ROBO1: variants seen among roughly 807,000 people sequenced by gnomAD.
The protein encoded by ROBO1 is roundabout guidance receptor 1, also known as roundabout homolog 1.
In ROBO1, 149 loss-of-function variants were observed where a neutral mutation model predicts 195.9. The observed-to-expected ratio is 0.76, with a 90% CI of 0.67 to 0.87. The LOEUF is 0.87. Ranked by LOEUF, ROBO1 falls within the 40% of genes least tolerant of loss-of-function variation. The pLI, the probability that ROBO1 is intolerant of heterozygous loss-of-function variation, is 0.00. For synonymous variants in ROBO1, 816 were observed against 733.2 expected (o/e 1.11, Z -1.82); for missense variants, 1,933 against 2,068.3 (o/e 0.93, Z 1.27).
chr3:78,865,051 T>A (rs1393686742), intron 4 of ROBO1, among the ~76,000 whole-genome samples: 3 of 152,204 alleles, frequency 2.0e-5, no homozygotes, highest in Admixed American at 2.0e-4. Flanking sequence ...TCAAATGTGA[T>A]ACATTATTTG....
intron 3 of ROBO1, among the ~76,000 whole-genome samples, chr3:79,062,000 G>A (rs1180701623): frequency 1.3e-5 from 2 of 152,052 alleles, no homozygotes; most frequent in Non-Finnish European, 2.9e-5. Context: ...ATAGACAAAT[G>A]GGATCTCATT....
At chr3:78,711,354 CCTTCCTTCCT>C (rs2081702683) in intron 8 of ROBO1, among the ~76,000 whole-genome samples, 3 of 65,160 alleles carry the variant, frequency 4.6e-5, no homozygotes, top group South Asian at 6.7e-4. Context: ...CTTCCTCCTT[CCTTCCTTCCT>C]TCCTTCCTTC....
At chr3:79,198,255 T>C (rs535134708) in intron 2 of ROBO1, among the ~76,000 whole-genome samples, 5 of 152,252 alleles carry the variant, frequency 3.3e-5, no homozygotes, top group South Asian at 4.1e-4. Flanking sequence ...TTTCTGCATA[T>C]GGCTAGCTAG....
At chr3:79,362,240 C>T (rs1164073332) in intron 2 of ROBO1, among the ~76,000 whole-genome samples, 2 of 152,014 alleles carry the variant, frequency 1.3e-5, no homozygotes, top group Non-Finnish European at 2.9e-5. Context: ...GAAGGGAAAG[C>T]GACAACCAGT....
intron 4 of ROBO1, among the ~76,000 whole-genome samples, chr3:78,841,189 A>G (rs1037552298): frequency 2.0e-5 from 3 of 152,286 alleles, no homozygotes; most frequent in Non-Finnish European, 4.4e-5. Flanking sequence ...ATAATGAGGA[A>G]TAAGAATCAT....
intron 2 of ROBO1, among the ~76,000 whole-genome samples, chr3:79,244,699 C>T (rs1029298787): frequency 6.6e-6 from 1 of 151,970 alleles, no homozygotes; most frequent in Non-Finnish European, 1.5e-5. Context: ...TGCTCTGATT[C>T]TATATATAAA....
intron 2 of ROBO1, among the ~76,000 whole-genome samples, chr3:79,308,997 T>C (rs76646374): frequency 6.6e-6 from 1 of 152,116 alleles, no homozygotes; most frequent in East Asian, 1.9e-4. Context: ...CTGATGAATA[T>C]ACAGCTAAAA....
chr3:79,088,636 A>G (rs897610605), intron 3 of ROBO1, among the ~76,000 whole-genome samples: 8 of 152,142 alleles, frequency 5.3e-5, no homozygotes, highest in African/African-American at 1.7e-4. Flanking sequence ...TCTTTCACCA[A>G]CAGGGGAACA....
intron 4 of ROBO1, among the ~76,000 whole-genome samples, chr3:78,808,737 G>C (rs970647616): frequency 6.6e-6 from 1 of 152,084 alleles, no homozygotes; most frequent in Non-Finnish European, 1.5e-5. Flanking sequence ...ACAAAAACAA[G>C]CAATGGGGAA....
intron 2 of ROBO1, among the ~76,000 whole-genome samples, chr3:79,283,529 T>G (rs2031665625): frequency 6.6e-6 from 1 of 152,202 alleles, no homozygotes; most frequent in Admixed American, 6.5e-5. Flanking sequence ...CTAATTACCA[T>G]TGGAATATGA....
In ROBO1 at chr3:79,580,521, AAAAT is replaced by A. The variant is rs534274416; in HGVS notation, c.88+9299_88+9302del. Among the ~76,000 whole-genome samples, 41 of 151,976 alleles carry A rather than the reference AAAAT, an allele frequency of 2.7e-4. 1 individual carries two copies. The highest frequency in any genetic ancestry group is 3.2e-3 in the Middle Eastern group (1 of 316). On this transcript the variant is annotated intron_variant, in intron 2 of 30. Coordinates refer to ENST00000464233, the MANE Select transcript of ROBO1 (RefSeq NM_002941.4). ...TAAACACACAAACAAATAAATAAAT[AAAAT>A]AAATAAAATAATCATAAATCTTATC... is the stretch of plus-strand genomic sequence containing the variant.
chr3:79,211,942 A>C (rs1470947882), intron 2 of ROBO1, among the ~76,000 whole-genome samples: 1 of 152,210 alleles, frequency 6.6e-6, no homozygotes, highest in Admixed American at 6.5e-5. Context: ...TATTGACAGC[A>C]AGCTAGTGAT....
At chr3:79,671,645 T>C (rs910397144) in intron 1 of ROBO1, among the ~76,000 whole-genome samples, 4 of 151,926 alleles carry the variant, frequency 2.6e-5, no homozygotes, top group Non-Finnish European at 5.9e-5. Context: ...CATAGAAATG[T>C]AATTTTGATA....
chr3:79,486,526 G>A (rs1268572250), intron 2 of ROBO1, among the ~76,000 whole-genome samples: 1 of 152,110 alleles, frequency 6.6e-6, no homozygotes, highest in African/African-American at 2.4e-5. Context: ...CCAAGAAAAT[G>A]CCTACTTTTC....
intron 2 of ROBO1, among the ~76,000 whole-genome samples, chr3:79,221,461 C>T (rs546671594): frequency 6.6e-6 from 1 of 152,222 alleles, no homozygotes; most frequent in South Asian, 2.1e-4. Context: ...CATTCAATAT[C>T]TGCTTAATAT....
chr3:78,727,879 T>C (rs555638256), intron 5 of ROBO1, among the ~76,000 whole-genome samples: 4 of 152,080 alleles, frequency 2.6e-5, no homozygotes, highest in Non-Finnish European at 5.9e-5. Context: ...TTCAAGAAAT[T>C]CATTTTTATA....
chr3:79,019,736 C>T (rs1180366090), intron 3 of ROBO1, among the ~76,000 whole-genome samples: 1 of 152,114 alleles, frequency 6.6e-6, no homozygotes, highest in Non-Finnish European at 1.5e-5. Flanking sequence ...GCACCTTTCT[C>T]CAAATGGAAC....
intron 2 of ROBO1, among the ~76,000 whole-genome samples, chr3:79,578,350 A>G (rs1943560206): frequency 6.6e-6 from 1 of 152,210 alleles, no homozygotes; most frequent in Non-Finnish European, 1.5e-5. Context: ...GTTTCACTTT[A>G]TTAGCAAAAT....
intron 3 of ROBO1, among the ~76,000 whole-genome samples, chr3:79,054,005 T>C (rs980015997): frequency 4.6e-5 from 7 of 152,168 alleles, no homozygotes; most frequent in African/African-American, 1.7e-4. Flanking sequence ...CTTTTTGTAC[T>C]GAGGCCATTT....
Sources: gnomAD v4.1 joint callset for allele counts (sites outside exome capture counted in the v4.1 genomes callset) on GRCh38, gnomAD v4.1.1 for gene constraint, MANE v1.5 for transcripts, NCBI Gene and HGNC (gene_info 2026-07-23, HGNC 2026-07-21) for gene names.